Variants in CCDC73 observed in about 807,000 individuals in gnomAD.
CCDC73 encodes coiled-coil domain containing 73.
A neutral mutation model predicts 116.5 loss-of-function variants in CCDC73; 95 were observed. That is an observed-to-expected ratio of 0.82 (90% CI 0.69 to 0.97). CCDC73 has a LOEUF of 0.97. Ranked by LOEUF, CCDC73 falls within the 50% of genes least tolerant of loss-of-function variation. CCDC73 has a pLI of 0.00. For synonymous variants in CCDC73, 398 were observed against 401.3 expected, an observed-to-expected ratio of 0.99 and a Z score of 0.10; for missense variants, 1,066 against 1,206.8, an observed-to-expected ratio of 0.88 and a Z score of 1.73.
At chr11:32,791,710 T>C (rs1250203479) in intron 1 of CCDC73, among the ~76,000 whole-genome samples, 1 of 152,192 alleles carries the variant, frequency 6.6e-6, no homozygotes, top group Non-Finnish European at 1.5e-5. Flanking sequence ...CCCAGGACTT[T>C]GGGAGGCCGA....
rs1855442661 is a variant in CCDC73 at position 32,613,604 on chromosome 11, G to A, written c.2714C>T (p.Ser905Leu). Residue 905 changes from serine (S) to leucine (L), a missense_variant, in exon 16 of 18, where the codon TCA becomes TTA. Ser to Leu is a moderately radical substitution (Grantham distance 145). Transcript: ENST00000335185. ...TEKTPVYMNF[S>L]DPGPWSKVNH... Reference sequence around the variant, plus strand: ...TACTTTTGACCAAGGACCGGGGTCTGAAAAATTCATGTATACTGGAGTTTT... The same window carrying A: ...TACTTTTGACCAAGGACCGGGGTCTAAAAAATTCATGTATACTGGAGTTTT... 2.5e-6 allele frequency: 4 copies of A among 1,613,976 alleles called. No homozygotes were observed. Among genetic ancestry groups the A allele is most frequent in the African/African-American group, 1.3e-5 (1 of 74,920 alleles).
intron 6 of CCDC73, among the ~76,000 whole-genome samples, 198 bp downstream of exon 6, chr11:32,699,053 T>A (rs1479447699): frequency 5.3e-5 from 8 of 151,730 alleles, no homozygotes; most frequent in Admixed American, 3.9e-4. Context: ...ATTATTTTAA[T>A]ATTTCTTTTT....
chr11:32,716,938 A>G (rs1405465938), intron 3 of CCDC73, among the ~76,000 whole-genome samples: 1 of 152,200 alleles, frequency 6.6e-6, no homozygotes, highest in Admixed American at 6.5e-5. Flanking sequence ...AAAACAAGAT[A>G]TAACTTTACA....
chr11:32,737,273 GTA>G (rs1554967584), intron 2 of CCDC73, among the ~76,000 whole-genome samples: 33 of 131,748 alleles, frequency 2.5e-4, no homozygotes, highest in East Asian at 1.0e-3. Context: ...GTGTGTGTGT[GTA>G]TATACATGGT....
intron 17 of CCDC73, among the ~76,000 whole-genome samples, chr11:32,610,005 G>T (rs1345614863): frequency 1.3e-5 from 2 of 149,816 alleles, no homozygotes; most frequent in African/African-American, 4.9e-5. Flanking sequence ...CAGCCAGGAT[G>T]GTCTCGATCT....
the CCDC73 span, among the ~76,000 whole-genome samples, chr11:32,806,038 T>C: frequency 7.2e-5 from 11 of 152,368 alleles, no homozygotes; most frequent in East Asian, 1.7e-3. Flanking sequence ...CTTTGCAGGA[T>C]CTAAGACTCA....
At chr11:32,800,830 TA>T in the CCDC73 span, among the ~76,000 whole-genome samples, 2 of 152,194 alleles carry the variant, frequency 1.3e-5, no homozygotes, top group African/African-American at 4.8e-5. Flanking sequence ...AACCATTTAA[TA>T]AAATGGAGGA....
chr11:32,671,202 T>C (rs1856034769), intron 9 of CCDC73, among the ~76,000 whole-genome samples: 1 of 151,982 alleles, frequency 6.6e-6, no homozygotes, highest in East Asian at 1.9e-4. Context: ...CCCTTTCTGG[T>C]ATGGGGTAGT....
intron 3 of CCDC73, among the ~76,000 whole-genome samples, chr11:32,713,687 C>T (rs1326280867): frequency 6.6e-6 from 1 of 152,034 alleles, no homozygotes; most frequent in Non-Finnish European, 1.5e-5. Flanking sequence ...TCAGGACAGA[C>T]ACTTGGTGGC....
chr11:32,791,537 A>G (rs1197912345), intron 1 of CCDC73, among the ~76,000 whole-genome samples: 1 of 152,246 alleles, frequency 6.6e-6, no homozygotes, highest in African/African-American at 2.4e-5. Flanking sequence ...ACAAGCTAAT[A>G]TTCTGGGGAA....
intron 6 of CCDC73, among the ~76,000 whole-genome samples, chr11:32,692,110 C>T (rs1042808156): frequency 3.4e-5 from 5 of 148,948 alleles, no homozygotes; most frequent in Admixed American, 1.3e-4. Context: ...TTTTCTCCTA[C>T]GTTTTCTTCT....
chr11:32,657,987 T>A (rs1218112314), intron 9 of CCDC73, among the ~76,000 whole-genome samples: 1 of 127,208 alleles, frequency 7.9e-6, no homozygotes, highest in Non-Finnish European at 1.6e-5. Flanking sequence ...CCCCCATCTC[T>A]TAAAAATAAA....
chr11:32,647,133 G>A (rs1855785572), intron 12 of CCDC73, among the ~76,000 whole-genome samples: 1 of 152,152 alleles, frequency 6.6e-6, no homozygotes, highest in Non-Finnish European at 1.5e-5. Context: ...CTGAGACTGG[G>A]TAATTTATAA....
intron 17 of CCDC73, 182 bp from the exon 18 acceptor site, chr11:32,603,202 T>G (rs1855299768): frequency 2.0e-6 from 1 of 506,008 alleles, no homozygotes; most frequent in Non-Finnish European, 3.4e-6. Flanking sequence ...ATGTAGTAGA[T>G]CTTCAAAATC....
chr11:32,746,010 C>T (rs539295684), intron 2 of CCDC73, among the ~76,000 whole-genome samples: 5 of 152,248 alleles, frequency 3.3e-5, no homozygotes, highest in African/African-American at 1.2e-4. Context: ...GATGTAGTTT[C>T]TTCATAGCAT....
At position 32,613,660 on chromosome 11, in the gene CCDC73, A is replaced by G. The variant is rs759632812; in HGVS notation, c.2658T>C (p.Phe886=). ...DLVNRSGRST[F]DLSTSDKKTE... ...TTTTTTTATCTGAAGTTGAAAGATC[A>G]AAGGTTGACCTTCCGCTTCTGTTTA... is the stretch of plus-strand genomic sequence containing the variant. Residue 886 remains phenylalanine (F), a synonymous_variant, in exon 16 of 18, where the codon TTT becomes TTC. Transcript: ENST00000335185. 6.2e-7 allele frequency: 1 copy of G among 1,614,130 alleles called. No individual in the cohort carries two copies. Among genetic ancestry groups the G allele is most frequent in the Admixed American group, 1.7e-5 (1 of 60,012 alleles).
intron 2 of CCDC73, among the ~76,000 whole-genome samples, chr11:32,741,363 C>T (rs900494747): frequency 6.6e-6 from 1 of 152,088 alleles, no homozygotes; most frequent in Admixed American, 6.6e-5. Context: ...AGTGTTAATG[C>T]ATATATTTTT....
At chr11:32,623,070 G>T (rs1283694317) in intron 14 of CCDC73, among the ~76,000 whole-genome samples, 2 of 152,116 alleles carry the variant, frequency 1.3e-5, no homozygotes, top group Non-Finnish European at 2.9e-5. Context: ...GTGCAGTGGT[G>T]TGATCTCAGC....
At chr11:32,684,428 T>A (rs2133296551) in intron 6 of CCDC73, among the ~76,000 whole-genome samples, 1 of 152,336 alleles carries the variant, frequency 6.6e-6, no homozygotes, top group Middle Eastern at 3.4e-3. Context: ...GTCTATTTTA[T>A]AATCCATTTT....
Sources: allele counts gnomAD v4.1 joint callset (sites outside exome capture counted in the v4.1 genomes callset), GRCh38; gene constraint gnomAD v4.1.1; transcripts MANE v1.5; gene names NCBI Gene and HGNC (gene_info 2026-07-23, HGNC 2026-07-21).